COP1: variants seen among roughly 807,000 people sequenced by gnomAD.
COP1 encodes the protein COP1 E3 ubiquitin ligase.
In COP1, 24 loss-of-function variants were observed where a neutral mutation model predicts 101.3. The ratio of observed to expected loss-of-function variants is 0.24; its 90% confidence interval spans 0.17 to 0.33. COP1 has a LOEUF of 0.33. Ranked by LOEUF, COP1 falls within the 10% of genes least tolerant of loss-of-function variation. The pLI, the probability that COP1 is intolerant of heterozygous loss-of-function variation, is 1.00. For missense variants in COP1, 663 were observed against 906.2 expected (o/e 0.73, Z 3.45); for synonymous variants, 347 against 341.9 (o/e 1.01, Z -0.17).
intron 15 of COP1, among the ~76,000 whole-genome samples, chr1:175,996,031 T>C (rs1237177284): frequency 1.3e-5 from 2 of 151,984 alleles, no homozygotes; most frequent in African/African-American, 4.8e-5. Flanking sequence ...CAGCAGCACA[T>C]CAAAAAGCTT....
At chr1:176,030,047 A>G (rs751687851) in intron 14 of COP1, among the ~76,000 whole-genome samples, 2 of 152,052 alleles carry the variant, frequency 1.3e-5, no homozygotes, top group Non-Finnish European at 2.9e-5. Flanking sequence ...GGACTCCTGA[A>G]TTCAAGTGAT....
chr1:176,177,369 GA>G (rs942579286), intron 2 of COP1, among the ~76,000 whole-genome samples: 1 of 140,654 alleles, frequency 7.1e-6, no homozygotes, highest in South Asian at 2.2e-4. Context: ...AAAGAAAAAA[GA>G]AAAAAATGTT....
chr1:176,198,801 A>C (rs968267658), intron 1 of COP1, among the ~76,000 whole-genome samples: 2 of 152,172 alleles, frequency 1.3e-5, no homozygotes, highest in African/African-American at 4.8e-5. Flanking sequence ...TGGGCCAAAG[A>C]TCAAAACAGA....
chr1:175,982,022 TAAC>T (rs1199213582), intron 18 of COP1, among the ~76,000 whole-genome samples: 1 of 151,924 alleles, frequency 6.6e-6, no homozygotes, highest in Non-Finnish European at 1.5e-5. Flanking sequence ...AGATGAAAGA[TAAC>T]AAGCGTTGGC....
At chr1:176,093,964 AG>A (rs1390960608) in intron 9 of COP1, among the ~76,000 whole-genome samples, 2 of 151,934 alleles carry the variant, frequency 1.3e-5, no homozygotes, top group Non-Finnish European at 1.5e-5. Flanking sequence ...CGGAGGTTGT[AG>A]TAAGCTGAGA....
At chr1:175,951,173 C>T (rs778882546) in intron 18 of COP1, among the ~76,000 whole-genome samples, 22 of 151,882 alleles carry the variant, frequency 1.4e-4, no homozygotes, top group South Asian at 4.1e-4. Context: ...CGCCTGAACC[C>T]GGGAGGTGGA....
intron 18 of COP1, among the ~76,000 whole-genome samples, chr1:175,983,963 G>T (rs1656498128): frequency 6.6e-6 from 1 of 152,146 alleles, no homozygotes; most frequent in African/African-American, 2.4e-5. Context: ...GCTGTTAAAG[G>T]CATTCAGTTT....
At chr1:176,178,191 C>T (rs1275729637) in intron 2 of COP1, among the ~76,000 whole-genome samples, 1 of 151,938 alleles carries the variant, frequency 6.6e-6, no homozygotes, top group Non-Finnish European at 1.5e-5. Context: ...CAAGCAAATA[C>T]AATAGACTAA....
intron 10 of COP1, among the ~76,000 whole-genome samples, chr1:176,083,169 C>T (rs1415141770): frequency 2.6e-5 from 4 of 152,122 alleles, no homozygotes; most frequent in Admixed American, 2.6e-4. Context: ...ATATGGAATC[C>T]TATTACTGTG....
At chr1:176,206,301 G>A (rs538966986) in intron 1 of COP1, 1 of 464,334 alleles carries the variant, frequency 2.2e-6, no homozygotes, top group Non-Finnish European at 3.8e-6. Flanking sequence ...CTCTTCCCTC[G>A]TCATTCGTTA....
intron 11 of COP1, among the ~76,000 whole-genome samples, chr1:176,055,954 G>A (rs984332232): frequency 2.6e-5 from 4 of 151,732 alleles, no homozygotes; most frequent in Non-Finnish European, 4.4e-5. Context: ...TCCTTTTTGA[G>A]TAGGTTAATT....
chr1:175,986,528 T>A (rs1001570413), intron 18 of COP1, among the ~76,000 whole-genome samples: 5 of 148,576 alleles, frequency 3.4e-5, no homozygotes, highest in African/African-American at 1.2e-4. Flanking sequence ...TAGGCCACTA[T>A]CCTTTACCTG....
At chr1:176,005,516 G>A (rs528667281) in intron 15 of COP1, among the ~76,000 whole-genome samples, 322 of 152,224 alleles carry the variant, frequency 2.1e-3, no homozygotes, top group African/African-American at 7.3e-3. Flanking sequence ...TCTACACACT[G>A]CTTTGAATGT....
At chr1:176,079,842 T>C (rs1430542976) in intron 11 of COP1, among the ~76,000 whole-genome samples, 1 of 152,124 alleles carries the variant, frequency 6.6e-6, no homozygotes, top group Non-Finnish European at 1.5e-5. Flanking sequence ...CCTGTATAAA[T>C]TTTCATTAAA....
At chr1:176,176,846 T>C (rs1410073584) in intron 2 of COP1, among the ~76,000 whole-genome samples, 2 of 152,036 alleles carry the variant, frequency 1.3e-5, no homozygotes, top group Non-Finnish European at 2.9e-5. Context: ...AATAATGTCA[T>C]AGTTAAAGAG....
chr1:176,036,928 A>G (rs567288720), intron 14 of COP1, among the ~76,000 whole-genome samples: 14 of 152,322 alleles, frequency 9.2e-5, no homozygotes, highest in African/African-American at 3.4e-4. Flanking sequence ...AAATCTTGTA[A>G]CAAATAAAAT....
chr1:175,966,244 G>T (rs1189230435), intron 18 of COP1, among the ~76,000 whole-genome samples: 1 of 151,548 alleles, frequency 6.6e-6, no homozygotes, highest in Non-Finnish European at 1.5e-5. Flanking sequence ...AATCCAAGGG[G>T]GTTGAGTGAA....
intron 18 of COP1, among the ~76,000 whole-genome samples, chr1:175,967,393 T>G (rs1652228107): frequency 6.6e-6 from 1 of 151,976 alleles, no homozygotes; most frequent in Non-Finnish European, 1.5e-5. Context: ...GGCTGAGGCA[T>G]GAGAATTGCT....
chr1:175,958,407 GC>G (rs1650936631), intron 18 of COP1, among the ~76,000 whole-genome samples: 1 of 151,780 alleles, frequency 6.6e-6, no homozygotes, highest in African/African-American at 2.4e-5. Context: ...CAGCTATGAA[GC>G]TAAATATTTC....
Sources: gnomAD v4.1 joint callset for allele counts (sites outside exome capture counted in the v4.1 genomes callset) on GRCh38, gnomAD v4.1.1 for gene constraint, MANE v1.5 for transcripts, NCBI Gene and HGNC (gene_info 2026-07-23, HGNC 2026-07-21) for gene names.